Variants in SPATA1 observed in about 807,000 individuals in gnomAD.
The protein encoded by SPATA1 is spermatogenesis associated 1.
In SPATA1, 57 loss-of-function variants were observed where a neutral mutation model predicts 59.6. That is an observed-to-expected ratio of 0.96 (90% CI 0.77 to 1.19). The LOEUF (loss-of-function observed/expected upper bound fraction) is 1.19. Among genes scored for constraint, SPATA1 ranks in the 50% most tolerant of loss-of-function variants. SPATA1 has a pLI of 0.00. For missense variants in SPATA1, 448 were observed against 480.7 expected (o/e 0.93, Z 0.64); for synonymous variants, 147 against 163.9 (o/e 0.90, Z 0.79).
chr1:84,533,897 T>G (rs1441122061), intron 8 of SPATA1, 131 bp downstream of exon 8: 5 of 558,882 alleles, frequency 8.9e-6, no homozygotes, highest in Non-Finnish European at 1.3e-5. Context: ...ATATAATCAA[T>G]AGTAGTCCAA....
intron 4 of SPATA1, chr1:84,563,165 A>C (rs1176064653): frequency 2.2e-6 from 2 of 900,596 alleles, no homozygotes; most frequent in African/African-American, 3.5e-5. Flanking sequence ...CTAAAAGAAA[A>C]CTGATAGAAA....
At chr1:84,563,214 A>C (rs923734100) in intron 4 of SPATA1, 1 of 1,282,310 alleles carries the variant, frequency 7.8e-7, no homozygotes, top group Non-Finnish European at 1.0e-6. Context: ...AATAATTACA[A>C]AAACTAATAG....
chr1:84,531,348 A>C (rs1464098783), intron 6 of SPATA1, among the ~76,000 whole-genome samples: 1 of 151,658 alleles, frequency 6.6e-6, no homozygotes, highest in Non-Finnish European at 1.5e-5. Context: ...TTTTTAGTAG[A>C]GACAGGGTTT....
chr1:84,521,706 T>G (rs1683034009), intron 3 of SPATA1, among the ~76,000 whole-genome samples: 1 of 152,208 alleles, frequency 6.6e-6, no homozygotes, highest in South Asian at 2.1e-4. Context: ...TTCATTAATT[T>G]TTCTATCCCA....
At chr1:84,550,517 T>C (rs764062707) in exon 12 of SPATA1, 6 of 1,541,494 alleles carry the variant, frequency 3.9e-6, no homozygotes, top group South Asian at 1.2e-5. Flanking sequence ...ATGAAACTCA[T>C]AGTAGAAGTT....
chr1:84,544,122 C>A, intron 8 of SPATA1, 80 bp from the exon 9 acceptor site: 3 of 908,298 alleles, frequency 3.3e-6, no homozygotes, highest in Non-Finnish European at 5.2e-6. Context: ...TTCTGGTTTG[C>A]ATTATCAAAT....
exon 10 of SPATA1, chr1:84,545,709 T>C: frequency 6.5e-7 from 1 of 1,535,868 alleles, no homozygotes; most frequent in Non-Finnish European, 8.7e-7. Flanking sequence ...GAAGAACTAG[T>C]AAAAACGGTT....
At chr1:84,535,624 T>C (rs898687486) in intron 8 of SPATA1, among the ~76,000 whole-genome samples, 1 of 152,154 alleles carries the variant, frequency 6.6e-6, no homozygotes, top group Admixed American at 6.5e-5. Flanking sequence ...TTTTATTTTC[T>C]AATTGTTGCT....
chr1:84,522,345 A>C (rs1683060333), intron 3 of SPATA1, 45 bp from the exon 4 acceptor site: 1 of 1,176,456 alleles, frequency 8.5e-7, no homozygotes, highest in Admixed American at 2.8e-5. Flanking sequence ...GTATATCCAA[A>C]ATCTATTTCA....
At chr1:84,537,162 G>A (rs542179872) in intron 8 of SPATA1, among the ~76,000 whole-genome samples, 1 of 152,282 alleles carries the variant, frequency 6.6e-6, no homozygotes, top group African/African-American at 2.4e-5. Flanking sequence ...ACAGGCGTGA[G>A]CCACCACGCC....
chr1:84,515,594 A>G (rs370647839), intron 1 of SPATA1, among the ~76,000 whole-genome samples: 5 of 152,140 alleles, frequency 3.3e-5, no homozygotes, highest in African/African-American at 1.2e-4. Flanking sequence ...TTAGAGTAAT[A>G]ATTCAGCTAC....
At position 84,548,781 on chromosome 1, in the gene SPATA1, T is replaced by TTGCCA; in HGVS notation, c.947-5_947-4insTGCCA. The TTGCCA allele has an allele frequency of 2.6e-6, 2 of 762,504 alleles. No homozygotes were observed. The highest frequency in any genetic ancestry group is 3.3e-6 in the Non-Finnish European group (2 of 606,970). The allele number at this position is 762,504 out of a possible 1,614,324, so 47.2% of individuals were successfully genotyped here. On this transcript the variant is annotated splice_region_variant and splice_polypyrimidine_tract_variant and intron_variant, in intron 10 of 12. Transcript: ENST00000490879. ...TTTTTTTTTTTTTTTTTTTTTTTTT[T>TTGCCA]ATAGCCTACAATGGTTGGAAGAAAA...
chr1:84,531,303 C>T (rs1393601656), intron 6 of SPATA1, among the ~76,000 whole-genome samples: 1 of 152,170 alleles, frequency 6.6e-6, no homozygotes, highest in Middle Eastern at 3.4e-3. Context: ...GCTGGGATTA[C>T]AGGCACGTGC....
intron 10 of SPATA1, among the ~76,000 whole-genome samples, chr1:84,548,446 T>C (rs538187371): frequency 3.4e-5 from 5 of 148,480 alleles, no homozygotes; most frequent in East Asian, 1.9e-4. Flanking sequence ...ATATATGTTA[T>C]AGATTACTAT....
intron 4 of SPATA1, chr1:84,563,439 A>G (rs1458600684): frequency 6.9e-7 from 1 of 1,441,430 alleles, no homozygotes; most frequent in Non-Finnish European, 9.1e-7. Context: ...AAAAGTGCTC[A>G]TGTTATATAT....
intron 2 of SPATA1, chr1:84,520,381 C>A: frequency 2.2e-6 from 1 of 462,550 alleles, no homozygotes; most frequent in South Asian, 3.2e-5. Flanking sequence ...AACATTGTTG[C>A]CAAGGGAAAA....
chr1:84,526,027 G>A, exon 6 of SPATA1: 1 of 1,613,060 alleles, frequency 6.2e-7, no homozygotes. Flanking sequence ...ATCCCAGTTT[G>A]TTAGAAAACA....
At chr1:84,525,726 C>T in exon 5 of SPATA1, 1 of 1,597,682 alleles carries the variant, frequency 6.3e-7, no homozygotes, top group Non-Finnish European at 8.5e-7. Context: ...AGAACTGAAA[C>T]TCAAATCATT....
chr1:84,545,762 A>G lies in SPATA1; in HGVS notation c.946+3A>G, dbSNP rs750674893. On this transcript the variant is annotated splice_donor_region_variant and intron_variant, in intron 10 of 12. Coordinates refer to ENST00000490879, the Ensembl canonical transcript of SPATA1. Reference sequence around the variant, plus strand: ...AAGCAAATTAAAACGATATCATGGTAAAGTTTATTACATACCTTTTATCAC... The same window carrying G: ...AAGCAAATTAAAACGATATCATGGTGAAGTTTATTACATACCTTTTATCAC... 4.7e-6 allele frequency: 7 copies of G among 1,505,348 alleles called. No individual in the cohort carries two copies. The South Asian group carries it at 9.9e-5, about 21-fold the overall frequency. 93.2% of individuals were successfully genotyped at this position (1,505,348 alleles called of 1,614,324 possible).
Sources: gnomAD v4.1 joint callset for allele counts (sites outside exome capture counted in the v4.1 genomes callset) on GRCh38, gnomAD v4.1.1 for gene constraint, MANE v1.5 for transcripts, NCBI Gene and HGNC (gene_info 2026-07-23, HGNC 2026-07-21) for gene names.